Variants in PSD3 observed in about 807,000 individuals in gnomAD.
PSD3 encodes pleckstrin and Sec7 domain containing 3.
A neutral mutation model predicts 105.5 loss-of-function variants in PSD3; 49 were observed. That is an observed-to-expected ratio of 0.46 (90% CI 0.37 to 0.59). PSD3 has a LOEUF of 0.59. Ranked by LOEUF, PSD3 falls within the 20% of genes least tolerant of loss-of-function variation. The pLI is 0.00. For synonymous variants in PSD3, 557 were observed against 457.8 expected (o/e 1.22, Z -2.77); for missense variants, 1,561 against 1,263.8 (o/e 1.24, Z -3.57).
chr8:18,886,075 T>C (rs1431403634), intron 2 of PSD3, among the ~76,000 whole-genome samples: 1 of 152,120 alleles, frequency 6.6e-6, no homozygotes, highest in Non-Finnish European at 1.5e-5. Flanking sequence ...ACTACAACAT[T>C]ATGTCTTTCT....
intron 1 of PSD3, among the ~76,000 whole-genome samples, chr8:18,987,235 A>G (rs1825546966): frequency 1.3e-5 from 2 of 151,644 alleles, no homozygotes; most frequent in Admixed American, 6.6e-5. Context: ...TAAAACTACC[A>G]GGAAATAAAT....
intron 8 of PSD3, 64 bp from the exon 9 acceptor site, chr8:18,765,602 T>C (rs750675291): frequency 6.7e-5 from 86 of 1,291,814 alleles, no homozygotes; most frequent in Non-Finnish European, 9.3e-5. Context: ...TTCATAAATA[T>C]ATGATGAGGC....
At chr8:18,892,255 G>A (rs374539500) in intron 2 of PSD3, among the ~76,000 whole-genome samples, 1 of 146,526 alleles carries the variant, frequency 6.8e-6, no homozygotes, top group Non-Finnish European at 1.5e-5. Context: ...ACAGAGTCTC[G>A]CTCTGTTGCC....
In PSD3 at chr8:18,863,967, T is replaced by A. The variant is rs574179355; in HGVS notation, c.1634+3707A>T. The stretch of plus-strand genomic sequence containing the variant: ...CAGCCTTCCCAACCTCTTGCACCTT[T>A]CTTTAAAAGAGCAATTCAGCCGAGA... On this transcript the variant is annotated intron_variant, in intron 4 of 15. Coordinates refer to ENST00000327040, the MANE Select transcript of PSD3 (RefSeq NM_015310.4). Among the ~76,000 whole-genome samples the A allele has an allele frequency of 4.6e-5, 7 of 152,158 alleles. No homozygotes were observed. In the East Asian group the frequency reaches 1.4e-3, roughly 29 times the overall value.
intron 1 of PSD3, among the ~76,000 whole-genome samples, chr8:18,978,205 G>C (rs144913180): frequency 3.9e-5 from 6 of 152,364 alleles, no homozygotes; most frequent in African/African-American, 1.4e-4. Flanking sequence ...GGCACTGCCT[G>C]CAAGGCTAAA....
chr8:18,977,520 A>G (rs1474627353), intron 1 of PSD3, among the ~76,000 whole-genome samples: 1 of 152,156 alleles, frequency 6.6e-6, no homozygotes, highest in Non-Finnish European at 1.5e-5. Flanking sequence ...ACATGGACTG[A>G]GAGATAATGG....
chr8:18,871,975 T>C lies in PSD3; in HGVS notation c.889A>G (p.Lys297Glu). ...TCCACTCCTTGAAATTCCACATGTT[T>C]GACCCGGCCTGGGCGTCCCATGGAG... ...SSSMGRPGRV[K>E]HVEFQGVEIL... The change falls in exon 3 of 16, where the codon AAA becomes GAA. Residue 297 changes from lysine (K) to glutamate (E), a missense_variant. By Grantham distance (56) the Lys-to-Glu change is moderately conservative. Coordinates refer to ENST00000327040, the MANE Select transcript of PSD3 (RefSeq NM_015310.4). 1 of 1,614,204 alleles carries C rather than the reference T, an allele frequency of 6.2e-7. No homozygotes were observed. Among genetic ancestry groups the C allele is most frequent in the Non-Finnish European group, 8.5e-7 (1 of 1,180,034 alleles).
At chr8:18,763,552 G>C (rs1002636934) in intron 9 of PSD3, among the ~76,000 whole-genome samples, 1 of 151,458 alleles carries the variant, frequency 6.6e-6, no homozygotes, top group East Asian at 1.9e-4. Flanking sequence ...AAGAGAAAGA[G>C]AATGAGAAAA....
chr8:18,970,360 A>G (rs1480908919), intron 1 of PSD3, among the ~76,000 whole-genome samples: 1 of 150,752 alleles, frequency 6.6e-6, no homozygotes, highest in African/African-American at 2.4e-5. Flanking sequence ...AAAGAAAAGA[A>G]AAGAAACAAC....
At position 18,570,599 on chromosome 8, in the gene PSD3, C is replaced by G. The variant is rs554907461; in HGVS notation, c.2784+1929G>C. Among the ~76,000 whole-genome samples, 161 of 147,282 alleles carry G rather than the reference C, an allele frequency of 1.1e-3. 1 individual carries two copies. The highest frequency in any genetic ancestry group is 3.9e-3 in the African/African-American group (158 of 40,350). On this transcript the variant is annotated intron_variant, in intron 14 of 15. Coordinates refer to ENST00000327040, the MANE Select transcript of PSD3 (RefSeq NM_015310.4). ...CTGACAAAGGGCTAATATCCAGAAT[C>G]TACAATGAATTCAAACAAATTTACA...
intron 1 of PSD3, among the ~76,000 whole-genome samples, chr8:19,048,566 G>A (rs7837040): frequency 0.031 from 4,789 of 152,270 alleles, 240 homozygotes; most frequent in African/African-American, 0.11. Context: ...TGAGAAAGAA[G>A]TAAGGGAGAT....
chr8:18,791,020 A>C (rs930329605), intron 8 of PSD3, among the ~76,000 whole-genome samples: 1 of 152,196 alleles, frequency 6.6e-6, no homozygotes. Context: ...CTAACAAGGG[A>C]AATGAAGGAC....
At chr8:18,646,597 A>C (rs891514472) in intron 10 of PSD3, among the ~76,000 whole-genome samples, 1 of 151,964 alleles carries the variant, frequency 6.6e-6, no homozygotes, top group Non-Finnish European at 1.5e-5. Context: ...CACTACAACA[A>C]AAAAAATGAA....
chr8:18,868,613 TTAGA>T (rs753213539), intron 3 of PSD3, among the ~76,000 whole-genome samples: 67 of 152,038 alleles, frequency 4.4e-4, no homozygotes, highest in African/African-American at 1.5e-3. Context: ...ACGTCCAAAA[TTAGA>T]TAGCCAATTA....
At chr8:19,059,911 G>C (rs995298157) in intron 1 of PSD3, among the ~76,000 whole-genome samples, 22 of 152,306 alleles carry the variant, frequency 1.4e-4, no homozygotes, top group African/African-American at 5.3e-4. Flanking sequence ...GCTTTGCTCT[G>C]TGCAGAGAGC....
intron 1 of PSD3, among the ~76,000 whole-genome samples, chr8:18,946,119 G>A (rs762652631): frequency 5.3e-5 from 8 of 152,134 alleles, no homozygotes; most frequent in African/African-American, 1.7e-4. Context: ...TTTTAGCACA[G>A]ATCATCCAAA....
intron 8 of PSD3, among the ~76,000 whole-genome samples, chr8:18,786,594 G>T (rs1443475703): frequency 6.6e-6 from 1 of 152,154 alleles, no homozygotes; most frequent in African/African-American, 2.4e-5. Context: ...GCAGTTAGGT[G>T]GGCAAGATGG....
chr8:18,872,350 C>G lies in PSD3; in HGVS notation c.514G>C (p.Glu172Gln). The change falls in exon 3 of 16, where the codon GAG becomes CAG. Residue 172 changes from glutamate to glutamine, a missense_variant. By Grantham distance (29) the Glu-to-Gln change is conservative. Transcript: ENST00000327040. ...SSFSVQQVEK[E>Q]LDTASRKTQR... ...GTTTTACGACTGGCAGTGTCCAGCTCTTTTTCCACCTGCTGAACTGAAAAA... is the reference window on the plus strand; with the variant it reads ...GTTTTACGACTGGCAGTGTCCAGCTGTTTTTCCACCTGCTGAACTGAAAAA... 6.2e-7 allele frequency: 1 copy of G among 1,614,154 alleles called. No individual in the cohort carries two copies. The highest frequency in any genetic ancestry group is 8.5e-7 in the Non-Finnish European group (1 of 1,180,040).
At chr8:18,874,790 T>C (rs888131255) in intron 2 of PSD3, among the ~76,000 whole-genome samples, 2 of 151,718 alleles carry the variant, frequency 1.3e-5, no homozygotes, top group African/African-American at 2.4e-5. Context: ...TAATTACTGA[T>C]ACAATTACTA....
Sources: allele counts gnomAD v4.1 joint callset (sites outside exome capture counted in the v4.1 genomes callset), GRCh38; gene constraint gnomAD v4.1.1; transcripts MANE v1.5; gene names NCBI Gene and HGNC (gene_info 2026-07-23, HGNC 2026-07-21).